Variants in PINX1 observed in about 807,000 individuals in gnomAD.
PINX1 encodes the protein PIN2 (TERF1) interacting telomerase inhibitor 1.
In PINX1, 34 loss-of-function variants were observed where a neutral mutation model predicts 25.4. The observed-to-expected ratio is 1.34, with a 90% CI of 1.02 to 1.78. The LOEUF (loss-of-function observed/expected upper bound fraction) is 1.78, where lower values mean the gene tolerates loss of function less well. Among genes scored for constraint, PINX1 ranks in the 40% most tolerant of loss-of-function variants. The probability of loss-of-function intolerance (pLI) is 0.00; values close to 1 mark genes in which losing one functional copy is unlikely to be tolerated. For synonymous variants in PINX1, 197 were observed against 147.7 expected (o/e 1.33, Z -2.42); for missense variants, 592 against 404.9 (o/e 1.46, Z -3.97).
intron 6 of PINX1, among the ~76,000 whole-genome samples, chr8:10,768,501 A>G (rs1467065486): frequency 1.3e-5 from 2 of 152,198 alleles, no homozygotes; most frequent in Admixed American, 1.3e-4. Context: ...TCTGGGATGT[A>G]AGTTTAATAG....
At chr8:10,811,923 G>A (rs919471017) in intron 6 of PINX1, among the ~76,000 whole-genome samples, 1 of 152,194 alleles carries the variant, frequency 6.6e-6, no homozygotes, top group Admixed American at 6.5e-5. Context: ...CTGGTGTGGA[G>A]GTGGTAAGGG....
At chr8:10,833,083 T>C in intron 2 of PINX1, 99 bp from the exon 3 acceptor site, 1 of 666,970 alleles carries the variant, frequency 1.5e-6, no homozygotes, top group Non-Finnish European at 2.6e-6. Context: ...GCAGGTGTTC[T>C]GAGTTGATGA....
rs953240230 is a variant in PINX1 at position 10,792,461 on chromosome 8, C to T, written c.472-26545G>A. Among the ~76,000 whole-genome samples, 4 of 152,230 alleles carry T rather than the reference C, an allele frequency of 2.6e-5. No homozygotes were observed. In the South Asian group the frequency reaches 6.2e-4, roughly 24 times the overall value. ...TCAAAATCATTGACCGTCCCTCCCC[C>T]GTGACGCTGTGCGCTCCCTGAAGGG... is the stretch of plus-strand genomic sequence containing the variant. On this transcript the variant is annotated intron_variant, in intron 6 of 6. Coordinates refer to ENST00000314787, the MANE Select transcript of PINX1 (RefSeq NM_017884.6).
chr8:10,818,078 G>C (rs1044126723), intron 6 of PINX1, among the ~76,000 whole-genome samples: 3 of 152,150 alleles, frequency 2.0e-5, no homozygotes, highest in Admixed American at 2.0e-4. Flanking sequence ...ACCTTGTTGA[G>C]AACTATGGCT....
At chr8:10,779,828 A>G (rs1313280713) in intron 6 of PINX1, among the ~76,000 whole-genome samples, 1 of 152,244 alleles carries the variant, frequency 6.6e-6, no homozygotes, top group African/African-American at 2.4e-5. Context: ...AATGAAGACC[A>G]ATCTAGGAAG....
intron 6 of PINX1, among the ~76,000 whole-genome samples, chr8:10,769,168 A>G (rs2129070583): frequency 6.6e-6 from 1 of 152,346 alleles, no homozygotes; most frequent in South Asian, 2.1e-4. Flanking sequence ...AATGTGATTT[A>G]AGCTCAGGGA....
chr8:10,800,780 T>C (rs1802241851), intron 6 of PINX1, among the ~76,000 whole-genome samples: 1 of 152,098 alleles, frequency 6.6e-6, no homozygotes, highest in Admixed American at 6.5e-5. Flanking sequence ...AAGAATAAAG[T>C]AAAATTTCTT....
chr8:10,837,067 A>G (rs1441880905), intron 1 of PINX1, among the ~76,000 whole-genome samples: 2 of 152,244 alleles, frequency 1.3e-5, no homozygotes, highest in African/African-American at 4.8e-5. Context: ...AGGCCTGTTC[A>G]TAACAGGGAA....
At chr8:10,793,054 C>T (rs1313790566) in intron 6 of PINX1, among the ~76,000 whole-genome samples, 1 of 152,094 alleles carries the variant, frequency 6.6e-6, no homozygotes, top group Non-Finnish European at 1.5e-5. Context: ...CCATTCTGAC[C>T]CTCGCTAACA....
intron 6 of PINX1, among the ~76,000 whole-genome samples, chr8:10,810,930 T>C (rs1306674370): frequency 6.6e-6 from 1 of 152,228 alleles, no homozygotes. Context: ...AGTAGGTTTA[T>C]ATTAAATATT....
intron 6 of PINX1, among the ~76,000 whole-genome samples, chr8:10,811,701 T>A (rs1797526635): frequency 6.6e-6 from 1 of 152,110 alleles, no homozygotes; most frequent in Non-Finnish European, 1.5e-5. Context: ...AACTCACTGA[T>A]CATGGTCTCT....
At chr8:10,813,914 A>G (rs1339644477) in intron 6 of PINX1, among the ~76,000 whole-genome samples, 3 of 91,652 alleles carry the variant, frequency 3.3e-5, no homozygotes, top group Non-Finnish European at 5.0e-5. Context: ...TGAGAGAGGA[A>G]AAAAAAAAAG....
intron 6 of PINX1, among the ~76,000 whole-genome samples, chr8:10,782,528 G>A (rs146452290): frequency 3.3e-5 from 5 of 152,092 alleles, no homozygotes; most frequent in Non-Finnish European, 7.3e-5. Context: ...CTGAGGTCGG[G>A]AGTTCAAGAC....
chr8:10,812,925 T>C (rs768486365), intron 6 of PINX1, among the ~76,000 whole-genome samples: 2 of 152,228 alleles, frequency 1.3e-5, no homozygotes, highest in African/African-American at 2.4e-5. Flanking sequence ...TCTAACTAAT[T>C]TTCATCTAGC....
intron 6 of PINX1, among the ~76,000 whole-genome samples, chr8:10,786,878 G>A (rs1279654308): frequency 6.6e-6 from 1 of 152,132 alleles, no homozygotes; most frequent in Non-Finnish European, 1.5e-5. Context: ...GTGGCAGATT[G>A]CACCCCACTG....
intron 6 of PINX1, among the ~76,000 whole-genome samples, chr8:10,815,252 T>A (rs1752720621): frequency 6.6e-6 from 1 of 152,214 alleles, no homozygotes; most frequent in Admixed American, 6.5e-5. Flanking sequence ...AGCAATTTCT[T>A]TATTAGACGC....
At chr8:10,768,475 A>C (rs775422285) in intron 6 of PINX1, among the ~76,000 whole-genome samples, 2 of 152,230 alleles carry the variant, frequency 1.3e-5, no homozygotes, top group African/African-American at 4.8e-5. Flanking sequence ...GTATGCTCAT[A>C]TGCTCATCAT....
chr8:10,789,057 G>A lies in PINX1; in HGVS notation c.472-23141C>T, dbSNP rs1015105303. ...GCGTGAAAGGGACAAGCCCAGTACCGGCTTCCTGCCAGCCTCCCCTTCCCT... is the reference window on the plus strand; with the variant it reads ...GCGTGAAAGGGACAAGCCCAGTACCAGCTTCCTGCCAGCCTCCCCTTCCCT... On this transcript the variant is annotated intron_variant, in intron 6 of 6. Transcript: ENST00000314787. 4.6e-5 allele frequency among the ~76,000 whole-genome samples: 7 copies of A among 152,312 alleles called. No individual in the cohort carries two copies. The South Asian group carries it at 1.5e-3, about 32-fold the overall frequency.
chr8:10,831,156 T>C (rs6987200), intron 4 of PINX1, among the ~76,000 whole-genome samples: 65,804 of 151,746 alleles, frequency 0.43, 16,008 homozygotes, highest in African/African-American at 0.66. Context: ...CATGGTTGAG[T>C]TTGGAGGACA....
Sources: gnomAD v4.1 joint callset for allele counts (sites outside exome capture counted in the v4.1 genomes callset) on GRCh38, gnomAD v4.1.1 for gene constraint, MANE v1.5 for transcripts, NCBI Gene and HGNC (gene_info 2026-07-23, HGNC 2026-07-21) for gene names.